PHF10: variants seen among roughly 807,000 people sequenced by gnomAD.
PHF10 encodes PHD finger protein 10.
PHF10 carries 51 observed loss-of-function variants against 68.5 expected under a neutral mutation model. That is an observed-to-expected ratio of 0.74 (90% CI 0.59 to 0.94). The LOEUF is 0.94. PHF10 is among the 40% of genes least tolerant of loss of function. The pLI is 0.00. For missense variants in PHF10, 460 were observed against 602.6 expected (o/e 0.76, Z 2.48); for synonymous variants, 204 against 203.5 (o/e 1.00, Z -0.02).
intron 4 of PHF10, among the ~76,000 whole-genome samples, chr6:169,716,376 C>A (rs1300813366): frequency 6.6e-6 from 1 of 151,668 alleles, no homozygotes; most frequent in African/African-American, 2.4e-5. Context: ...TAGTTGGAAA[C>A]AACTGTTAAA....
intron 11 of PHF10, chr6:169,704,827 AATAG>A (rs1292389039): frequency 8.3e-6 from 2 of 241,776 alleles, no homozygotes; most frequent in African/African-American, 2.3e-5. Flanking sequence ...GTTGTTTCTA[AATAG>A]ATAACATATA....
rs369544131 is a variant in PHF10, at chr6:169,705,755, T to G, written c.1114-31A>C. 2.2e-5 allele frequency: 23 copies of G among 1,034,446 alleles called. No homozygotes were observed. The African/African-American group carries it at 2.7e-4, about 12-fold the overall frequency. The allele number at this position is 1,034,446 out of a possible 1,614,324, so 64.1% of individuals were successfully genotyped here. A position where few individuals can be genotyped will look rare whatever the true frequency, so the allele number is the denominator to read the frequency against. On this transcript the variant is annotated intron_variant, in intron 9 of 11. Transcript: ENST00000339209. The stretch of plus-strand genomic sequence containing the variant: ...AGGGTAGAAGAGGGCTATAAATTCA[T>G]GCCAGAAGAGCTTACTATGGGTTTA...
chr6:169,717,295 G>A (rs1048284848), intron 4 of PHF10, among the ~76,000 whole-genome samples: 1 of 152,096 alleles, frequency 6.6e-6, no homozygotes, highest in African/African-American at 2.4e-5. Flanking sequence ...ATAGAATAGA[G>A]GTTGATCCTT....
chr6:169,713,899 G>A (rs374315857), intron 7 of PHF10, among the ~76,000 whole-genome samples: 47 of 152,208 alleles, frequency 3.1e-4, no homozygotes, highest in African/African-American at 1.1e-3. Context: ...CAAGGTGGGC[G>A]GATCACTAGG....
At chr6:169,710,649 A>C (rs563750956) in intron 8 of PHF10, among the ~76,000 whole-genome samples, 1 of 152,220 alleles carries the variant, frequency 6.6e-6, no homozygotes, top group African/African-American at 2.4e-5. Flanking sequence ...GTTTTCTGAC[A>C]TAAGTCACAA....
chr6:169,721,579 T>A (rs1194937813), intron 1 of PHF10, among the ~76,000 whole-genome samples: 1 of 152,204 alleles, frequency 6.6e-6, no homozygotes, highest in Non-Finnish European at 1.5e-5. Flanking sequence ...CCTCTTACAC[T>A]GCTAAAATTT....
At chr6:169,710,789 C>T (rs1186770946) in intron 8 of PHF10, among the ~76,000 whole-genome samples, 1 of 150,456 alleles carries the variant, frequency 6.6e-6, no homozygotes, top group Non-Finnish European at 1.5e-5. Flanking sequence ...TCACTGAGTA[C>T]TAAAAGTCAT....
chr6:169,710,828 G>A lies in PHF10; in HGVS notation c.958-437C>T, dbSNP rs1297947249. The stretch of plus-strand genomic sequence containing the variant: ...GAAGGTCCTTCAGGAAAAATGAAGC[G>A]CTGCAGTTAGGAAAAAAAAAAAAAA... On this transcript the variant is annotated intron_variant, in intron 8 of 11. Transcript: ENST00000339209. Among the ~76,000 whole-genome samples, 9 of 150,194 alleles carry A rather than the reference G, an allele frequency of 6.0e-5. No homozygotes were observed. In the South Asian group the frequency reaches 1.3e-3, roughly 21 times the overall value.
At chr6:169,721,459 T>C (rs1789175549) in intron 1 of PHF10, among the ~76,000 whole-genome samples, 1 of 152,232 alleles carries the variant, frequency 6.6e-6, no homozygotes, top group South Asian at 2.1e-4. Flanking sequence ...CAGTTCTCAA[T>C]TCAACTTGAA....
chr6:169,704,953 G>C (rs1196655694), intron 11 of PHF10, 180 bp downstream of exon 11: 1 of 433,746 alleles, frequency 2.3e-6, no homozygotes. Context: ...TTATCCTTTA[G>C]TTGGAATTGT....
Position 169,703,927 on chromosome 6 carries a change from G to T in PHF10, c.*76C>A, listed in dbSNP as rs1029405437. On this transcript the variant is annotated 3_prime_UTR_variant, in exon 12 of 12. Coordinates refer to ENST00000339209, the MANE Select transcript of PHF10 (RefSeq NM_018288.4). Reference sequence around the variant, plus strand: ...TAATTTGCAAAAAAAATCTTTTATTGGCATGAAAATAATGTTGTAAATGGC... The same window carrying T: ...TAATTTGCAAAAAAAATCTTTTATTTGCATGAAAATAATGTTGTAAATGGC... 34 of 1,185,646 alleles carry T rather than the reference G, an allele frequency of 2.9e-5. No individual in the cohort carries two copies. The East Asian group carries it at 7.3e-4, about 26-fold the overall frequency. The allele number at this position is 1,185,646 out of a possible 1,614,324, so 73.4% of individuals were successfully genotyped here.
At chr6:169,712,750 C>A (rs1788954033) in intron 7 of PHF10, among the ~76,000 whole-genome samples, 1 of 152,086 alleles carries the variant, frequency 6.6e-6, no homozygotes. Flanking sequence ...GCATTTGATT[C>A]TTACTAAGAG....
chr6:169,711,809 T>C (rs961116605), intron 8 of PHF10, among the ~76,000 whole-genome samples: 57 of 152,128 alleles, frequency 3.7e-4, no homozygotes, highest in African/African-American at 1.3e-3. Flanking sequence ...TAAAACACAA[T>C]GCTAAAGAAA....
chr6:169,716,987 C>T (rs1562987897), intron 4 of PHF10, among the ~76,000 whole-genome samples: 2 of 152,204 alleles, frequency 1.3e-5, no homozygotes. Flanking sequence ...GGCATGGTGG[C>T]TCATGCCTGT....
chr6:169,720,934 GA>G (rs1789161397), intron 2 of PHF10, 70 bp downstream of exon 2: 2 of 755,630 alleles, frequency 2.6e-6, no homozygotes, highest in East Asian at 5.4e-5. Context: ...AGAGCTGGGG[GA>G]AAGGGAAGAG....
At position 169,718,663 on chromosome 6, in the gene PHF10, T is replaced by TA. The variant is rs878958773; in HGVS notation, c.325+124dup. 6.5e-6 allele frequency: 4 copies of TA among 615,804 alleles called. No homozygotes were observed. In the South Asian group the frequency reaches 9.3e-5, roughly 14 times the overall value. 38.1% of individuals were successfully genotyped at this position (615,804 alleles called of 1,614,324 possible). On this transcript the variant is annotated intron_variant, in intron 3 of 11. Coordinates refer to ENST00000339209, the MANE Select transcript of PHF10 (RefSeq NM_018288.4). ...AGCCTGGGTTACAGAATGAGACCCT[T>TA]AGTCTTAAAAAAAAACAGCAAGCAC...
Position 169,705,279 on chromosome 6 carries a change from A to G in PHF10, c.1265T>C (p.Met422Thr). 1 of 1,613,312 alleles carries G rather than the reference A, an allele frequency of 6.2e-7. No homozygotes were observed. Among genetic ancestry groups the G allele is most frequent in the Non-Finnish European group, 8.5e-7 (1 of 1,179,548 alleles). The change falls in exon 11 of 12, where the codon ATG becomes ACG. Residue 422 changes from methionine (M) to threonine (T), a missense_variant. By Grantham distance (81) the Met-to-Thr change is moderately conservative. Around this residue, in one of 3 missense-constraint regions of PHF10, gnomAD observed 111 missense variants for 109.7 expected, o/e 1.01. Coordinates refer to ENST00000339209, the MANE Select transcript of PHF10 (RefSeq NM_018288.4). The stretch of plus-strand genomic sequence containing the variant: ...ACACTGCCATGGGTAGGTCTTAATC[A>G]TAGAAACAAGCTCCATTGTCATATC... ...CLDMTMELVS[M>T]IKTYPWQCME...
Position 169,704,083 on chromosome 6 carries a change from A to G in PHF10, c.1417T>C (p.Trp473Arg). The G allele has an allele frequency of 6.3e-7, 1 of 1,577,138 alleles. No individual in the cohort carries two copies. Among genetic ancestry groups the G allele is most frequent in the Non-Finnish European group, 8.5e-7 (1 of 1,170,114 alleles). Residue 473 changes from tryptophan to arginine, a missense_variant, in exon 12 of 12, where the codon TGG becomes CGG. Coordinates refer to ENST00000339209, the MANE Select transcript of PHF10 (RefSeq NM_018288.4). ...GCCCGCTGACAACAGTCACAAATCCAGCGACCTAGGAAAAAAATTGTTAAT... is the reference window on the plus strand; with the variant it reads ...GCCCGCTGACAACAGTCACAAATCCGGCGACCTAGGAAAAAAATTGTTAAT... ...VGLGAIPSGR[W>R]ICDCCQRAPP...
intron 6 of PHF10, among the ~76,000 whole-genome samples, 171 bp from the exon 7 acceptor site, chr6:169,715,013 T>C (rs916818491): frequency 6.6e-6 from 1 of 152,204 alleles, no homozygotes; most frequent in Non-Finnish European, 1.5e-5. Context: ...TTCAGTTCTA[T>C]ATATTATTGT....
Sources: gnomAD v4.1 joint callset for allele counts (sites outside exome capture counted in the v4.1 genomes callset) on GRCh38, gnomAD v4.1.1 for gene constraint, gnomAD v4.1.1 regional missense constraint, MANE v1.5 for transcripts, NCBI Gene and HGNC (gene_info 2026-07-23, HGNC 2026-07-21) for gene names.